TREML4: variants seen among roughly 807,000 people sequenced by gnomAD.
TREML4 encodes the protein triggering receptor expressed on myeloid cells like 4.
A neutral mutation model predicts 25.4 loss-of-function variants in TREML4; 25 were observed. The observed-to-expected ratio is 0.98, with a 90% CI of 0.72 to 1.37. The LOEUF (loss-of-function observed/expected upper bound fraction) is 1.37, where lower values mean the gene tolerates loss of function less well. Among genes scored for constraint, TREML4 ranks in the 40% most tolerant of loss-of-function variants. The pLI, the probability that TREML4 is intolerant of heterozygous loss-of-function variation, is 0.00. For synonymous variants in TREML4, 92 were observed against 87.9 expected, an observed-to-expected ratio of 1.05 and a Z score of -0.26; for missense variants, 268 against 236.5, an observed-to-expected ratio of 1.13 and a Z score of -0.87.
At chr6:41,230,024 G>T (rs935571108) in intron 3 of TREML4, 38 bp from the exon 4 acceptor site, 3 of 1,549,428 alleles carry the variant, frequency 1.9e-6, no homozygotes, top group Non-Finnish European at 1.8e-6. Context: ...CTATTCTGGT[G>T]CCCTGGGCAG....
chr6:41,230,907 A>C (rs964556169), intron 4 of TREML4, among the ~76,000 whole-genome samples: 8 of 152,198 alleles, frequency 5.3e-5, no homozygotes, highest in African/African-American at 1.9e-4. Context: ...GCCTCTTTCC[A>C]TAGCTTGCAT....
At chr6:41,229,592 G>A (rs2113937092) in intron 3 of TREML4, 21 bp downstream of exon 3, 1 of 1,613,436 alleles carries the variant, frequency 6.2e-7, no homozygotes, top group Non-Finnish European at 8.5e-7. Context: ...GGCCTCGGTG[G>A]GGGAAGATTA....
In TREML4 at chr6:41,237,251, C is replaced by G; in HGVS notation, c.*232C>G. ...GCCTATTGGAGAGAACTTTCAGCCC[C>G]TGAACTCCCCGGTGGTGACCCCTCA... is the stretch of plus-strand genomic sequence containing the variant. On this transcript the variant is annotated 3_prime_UTR_variant, in exon 6 of 6. Transcript: ENST00000341495. 1 of 152,660 alleles carries G rather than the reference C, an allele frequency of 6.6e-6. No homozygotes were observed. 9.5% of individuals were successfully genotyped at this position (152,660 alleles called of 1,614,324 possible).
In TREML4 at chr6:41,238,211, GTTTA is replaced by G. The variant is rs1358804247; in HGVS notation, c.*1200_*1203del. On this transcript the variant is annotated 3_prime_UTR_variant, in exon 6 of 6. Coordinates refer to ENST00000341495, the MANE Select transcript of TREML4 (RefSeq NM_198153.3). Reference sequence around the variant, plus strand: ...CTGTGAGAGGCATCGCTTTTGCTTTGTTTATTTATTTTTTTAATCCTCATTCCCT... The same window carrying G: ...CTGTGAGAGGCATCGCTTTTGCTTTGTTTATTTTTTTAATCCTCATTCCCT... 7 of 152,054 alleles carry G rather than the reference GTTTA, an allele frequency of 4.6e-5. No homozygotes were observed. The highest frequency in any genetic ancestry group is 1.7e-4 in the African/African-American group (7 of 41,338). The allele number at this position is 152,054 out of a possible 1,614,324, so 9.4% of individuals were successfully genotyped here.
intron 1 of TREML4, 64 bp from the exon 2 acceptor site, chr6:41,228,650 T>C (rs1766724181): frequency 6.5e-7 from 1 of 1,534,878 alleles, no homozygotes; most frequent in East Asian, 2.3e-5. Flanking sequence ...CAGCCTGTGA[T>C]GGGGGAGGTT....
At position 41,237,420 on chromosome 6, in the gene TREML4, G is replaced by A. The variant is rs556200068; in HGVS notation, c.*401G>A. 1.5e-3 allele frequency: 226 copies of A among 152,572 alleles called. 1 individual carries two copies. The highest frequency in any genetic ancestry group is 3.5e-3 in the Admixed American group (53 of 15,292). 9.5% of individuals were successfully genotyped at this position (152,572 alleles called of 1,614,324 possible). A position where few individuals can be genotyped will look rare whatever the true frequency, so the allele number is the denominator to read the frequency against. ...CCAGGCTCCTCTCCAGCACTCTGTC[G>A]TTCTCTGAGCCCCACCTCAGCAGGT... On this transcript the variant is annotated 3_prime_UTR_variant, in exon 6 of 6. Coordinates refer to ENST00000341495, the MANE Select transcript of TREML4 (RefSeq NM_198153.3).
At chr6:41,229,272 G>A (rs1766740221) in intron 2 of TREML4, among the ~76,000 whole-genome samples, 1 of 152,116 alleles carries the variant, frequency 6.6e-6, no homozygotes, top group Admixed American at 6.5e-5. Flanking sequence ...CCTGGACAGA[G>A]ACACAGTCTG....
At chr6:41,234,428 A>G (rs1300292760) in intron 4 of TREML4, among the ~76,000 whole-genome samples, 1 of 150,900 alleles carries the variant, frequency 6.6e-6, no homozygotes, top group African/African-American at 2.4e-5. Context: ...AAAGAATCAT[A>G]TAATTGAATG....
chr6:41,228,698 C>T lies in TREML4; in HGVS notation c.64-16C>T, dbSNP rs773494859. ...AGCTCTGACCTGGGTTTCTTTCTGCCGGTTCCTGGGTAAAGGGTGCTGTGC... is the reference window on the plus strand; with the variant it reads ...AGCTCTGACCTGGGTTTCTTTCTGCTGGTTCCTGGGTAAAGGGTGCTGTGC... On this transcript the variant is annotated splice_polypyrimidine_tract_variant and intron_variant, in intron 1 of 5. Coordinates refer to ENST00000341495, the MANE Select transcript of TREML4 (RefSeq NM_198153.3). The T allele has an allele frequency of 1.2e-5, 19 of 1,602,446 alleles. No homozygotes were observed. Among genetic ancestry groups the T allele is most frequent in the Admixed American group, 8.5e-5 (5 of 58,904 alleles).
intron 4 of TREML4, among the ~76,000 whole-genome samples, chr6:41,233,308 G>A (rs749842772): frequency 1.3e-5 from 2 of 151,944 alleles, no homozygotes; most frequent in Non-Finnish European, 2.9e-5. Flanking sequence ...ATAAGGACAG[G>A]GACACTCTGA....
chr6:41,232,372 C>A (rs1472372257), intron 4 of TREML4: 6 of 405,826 alleles, frequency 1.5e-5, no homozygotes, highest in Non-Finnish European at 3.1e-5. Context: ...GGAATGGCAG[C>A]TAAGAGCAAA....
At chr6:41,235,255 T>C (rs1012167828) in intron 4 of TREML4, among the ~76,000 whole-genome samples, 2 of 152,064 alleles carry the variant, frequency 1.3e-5, no homozygotes, top group African/African-American at 4.8e-5. Flanking sequence ...AGATTACTTA[T>C]TGGAGGTATA....
At chr6:41,229,913 G>A in intron 3 of TREML4, 149 bp from the exon 4 acceptor site, 1 of 706,926 alleles carries the variant, frequency 1.4e-6, no homozygotes, top group Non-Finnish European at 2.5e-6. Flanking sequence ...GCTGGTTATG[G>A]AGATCTCAGG....
chr6:41,230,938 C>T (rs925923100), intron 4 of TREML4, among the ~76,000 whole-genome samples: 2 of 152,178 alleles, frequency 1.3e-5, no homozygotes, highest in Non-Finnish European at 1.5e-5. Context: ...GCTCTGCCTC[C>T]TGTCAAATCA....
In TREML4 at chr6:41,238,327, C is replaced by T. The variant is rs11753659; in HGVS notation, c.*1308C>T. The T allele has an allele frequency of 6.6e-6, 1 of 151,942 alleles. No homozygotes were observed. The highest frequency in any genetic ancestry group is 1.5e-5 in the Non-Finnish European group (1 of 67,986). The allele number at this position is 151,942 out of a possible 1,614,324, so 9.4% of individuals were successfully genotyped here. ...TTTGAATGTATTCTTGTAAAACATC[C>T]AGTATTTTTTTTTCTGTGACTATGT... On this transcript the variant is annotated 3_prime_UTR_variant, in exon 6 of 6. Transcript: ENST00000341495.
Position 41,228,828 on chromosome 6 carries a change from C to A in TREML4, c.178C>A (p.Pro60Thr), listed in dbSNP as rs1380814877. ...CAAATCCTGGTGTCAGCAGACATCT[C>A]CAAGTCGGTGTACCTTACTTGTCAC... Reference protein sequence around the residue: ...QPKSWCQQTSPSRCTLLVTSS... With the variant: ...QPKSWCQQTSTSRCTLLVTSS... The change falls in exon 2 of 6, where the codon CCA (proline) becomes ACA (threonine). Residue 60 changes from proline (P) to threonine (T), a missense_variant. Coordinates refer to ENST00000341495, the MANE Select transcript of TREML4 (RefSeq NM_198153.3). 6.2e-7 allele frequency: 1 copy of A among 1,614,156 alleles called. No homozygotes were observed. The highest frequency in any genetic ancestry group is 1.7e-5 in the Admixed American group (1 of 60,024).
chr6:41,236,822 C>T (rs1175025598), intron 5 of TREML4, among the ~76,000 whole-genome samples: 2 of 152,130 alleles, frequency 1.3e-5, no homozygotes, highest in Non-Finnish European at 2.9e-5. Flanking sequence ...GAGTCCCATC[C>T]CAGGGCTCTG....
In TREML4 at chr6:41,228,378, G is replaced by A; in HGVS notation, c.-50G>A. 1.4e-6 allele frequency: 2 copies of A among 1,433,554 alleles called. No individual in the cohort carries two copies. The highest frequency in any genetic ancestry group is 1.3e-5 in the South Asian group (1 of 78,850). The allele number at this position is 1,433,554 out of a possible 1,614,324, so 88.8% of individuals were successfully genotyped here. A position where few individuals can be genotyped will look rare whatever the true frequency, so the allele number is the denominator to read the frequency against. On this transcript the variant is annotated 5_prime_UTR_variant, in exon 1 of 6. Transcript: ENST00000341495. ...CCAGCGTCTGACTCCTCCTGAGAGG[G>A]CTCCCTTTTTTCTCCTCTCCTCCGC...
chr6:41,235,509 T>A (rs935028021), intron 4 of TREML4, among the ~76,000 whole-genome samples: 6 of 152,176 alleles, frequency 3.9e-5, no homozygotes, highest in Non-Finnish European at 8.8e-5. Flanking sequence ...TGACATACAT[T>A]ACAAATAGAT....
Sources: gnomAD v4.1 joint callset for allele counts (sites outside exome capture counted in the v4.1 genomes callset) on GRCh38, gnomAD v4.1.1 for gene constraint, MANE v1.5 for transcripts, NCBI Gene and HGNC (gene_info 2026-07-23, HGNC 2026-07-21) for gene names.